Variants in VPS35L observed in about 807,000 individuals in gnomAD.
The protein encoded by VPS35L is VPS35 endosomal protein sorting factor like.
VPS35L carries 83 observed loss-of-function variants against 133.0 expected under a neutral mutation model. The ratio of observed to expected loss-of-function variants is 0.62; its 90% CI spans 0.52 to 0.75. The LOEUF (loss-of-function observed/expected upper bound fraction) is 0.75, where lower values mean the gene tolerates loss of function less well. Among genes scored for constraint, VPS35L ranks in the 30% least tolerant of loss-of-function variants. VPS35L has a pLI of 0.00. For missense variants in VPS35L, 1,083 were observed against 1,206.8 expected, an observed-to-expected ratio of 0.90 and a Z score of 1.52; for synonymous variants, 423 against 449.9, an observed-to-expected ratio of 0.94 and a Z score of 0.76.
At chr16:19,606,154 T>C (rs1037662104) in intron 9 of VPS35L, among the ~76,000 whole-genome samples, 7 of 152,226 alleles carry the variant, frequency 4.6e-5, no homozygotes, top group Non-Finnish European at 7.3e-5. Context: ...TTAGCCTGAT[T>C]TCCAACTCTT....
chr16:19,658,566 G>A lies in VPS35L; in HGVS notation c.2221+6476G>A, dbSNP rs144035389. 2.0e-5 allele frequency among the ~76,000 whole-genome samples: 3 copies of A among 152,182 alleles called. No individual in the cohort carries two copies. In the East Asian group the frequency reaches 5.8e-4, roughly 29 times the overall value. ...GAAAAAGAGACGACAGGCCATTCAG[G>A]GAGAGCAAATCTGTTTACAATTATT... is the stretch of plus-strand genomic sequence containing the variant. On this transcript the variant is annotated intron_variant, in intron 26 of 30. Coordinates refer to ENST00000417362, the MANE Select transcript of VPS35L (RefSeq NM_020314.7).
At chr16:19,571,228 G>T (rs1555496221) in intron 3 of VPS35L, among the ~76,000 whole-genome samples, 1 of 151,950 alleles carries the variant, frequency 6.6e-6, no homozygotes, top group Non-Finnish European at 1.5e-5. Context: ...TTTGTGACTT[G>T]TTTTTTTGGA....
intron 18 of VPS35L, among the ~76,000 whole-genome samples, chr16:19,630,556 G>T (rs551424460): frequency 2.0e-5 from 3 of 151,964 alleles, no homozygotes; most frequent in East Asian, 1.9e-4. Context: ...GGATGGTCTC[G>T]ATCTCCTGAG....
chr16:19,584,683 T>C (rs560782496), intron 7 of VPS35L, among the ~76,000 whole-genome samples: 12 of 151,830 alleles, frequency 7.9e-5, no homozygotes, highest in Non-Finnish European at 1.8e-4. Flanking sequence ...GCATTTTTTT[T>C]CTTTCTTTTT....
chr16:19,667,197 C>G (rs991766037), intron 26 of VPS35L, among the ~76,000 whole-genome samples: 4 of 151,950 alleles, frequency 2.6e-5, no homozygotes, highest in African/African-American at 9.7e-5. Flanking sequence ...CTCCTGACCT[C>G]AAGTGATCGA....
At chr16:19,570,870 TATATATATATATA>T (rs1971351876) in intron 3 of VPS35L, among the ~76,000 whole-genome samples, 1 of 85,404 alleles carries the variant, frequency 1.2e-5, no homozygotes, top group African/African-American at 6.0e-5. Flanking sequence ...TATATATATA[TATATATATATATA>T]TATATATTTT....
At chr16:19,691,289 C>A (rs1975671224) in intron 28 of VPS35L, 64 bp from the exon 29 acceptor site, 1 of 1,324,328 alleles carries the variant, frequency 7.6e-7, no homozygotes, top group Non-Finnish European at 1.1e-6. Flanking sequence ...CACACGGCTG[C>A]CTCTCCCTGG....
At chr16:19,637,552 T>C (rs367889037) in intron 19 of VPS35L, 42 bp from the exon 20 acceptor site, 139 of 1,394,582 alleles carry the variant, frequency 1.0e-4, no homozygotes, top group Non-Finnish European at 1.3e-4. Flanking sequence ...TTTTTAAAAA[T>C]TAAGTTTTTA....
At chr16:19,567,366 A>T (rs545661760) in intron 2 of VPS35L, among the ~76,000 whole-genome samples, 47 of 152,280 alleles carry the variant, frequency 3.1e-4, no homozygotes, top group Middle Eastern at 3.4e-3. Context: ...AGCATTGGTG[A>T]CCTGCTGTAT....
Position 19,581,678 on chromosome 16 carries a change from C to G in VPS35L, c.639+25C>G. The G allele has an allele frequency of 3.1e-6, 5 of 1,610,942 alleles. No individual in the cohort carries two copies. The Middle Eastern group carries it at 8.3e-4, about 267-fold the overall frequency. ...GGTTAGCTCTAGTGATCCCCCACCC[C>G]CACCCAGAATTTCCTATGTAAAATT... On this transcript the variant is annotated intron_variant, in intron 7 of 30. Transcript: ENST00000417362.
At chr16:19,568,923 G>A (rs1971274245) in intron 2 of VPS35L, among the ~76,000 whole-genome samples, 1 of 152,132 alleles carries the variant, frequency 6.6e-6, no homozygotes, top group African/African-American at 2.4e-5. Context: ...TGGGATACAG[G>A]CATGAGCCAC....
intron 8 of VPS35L, among the ~76,000 whole-genome samples, chr16:19,594,979 C>G (rs8047932): frequency 0.026 from 3,885 of 152,144 alleles, 176 homozygotes; most frequent in African/African-American, 0.089. Flanking sequence ...GGCCAAGGAA[C>G]AGCTTGTGCG....
chr16:19,691,539 C>T (rs1009517818), intron 29 of VPS35L, 68 bp downstream of exon 29: 1 of 1,277,716 alleles, frequency 7.8e-7, no homozygotes. Context: ...GGTGGTTCAA[C>T]CTTGGTTCAT....
chr16:19,585,333 C>T (rs1971828535), intron 7 of VPS35L, among the ~76,000 whole-genome samples: 1 of 152,080 alleles, frequency 6.6e-6, no homozygotes, highest in African/African-American at 2.4e-5. Context: ...GCACCATTTA[C>T]CTGAGGGTTC....
At chr16:19,608,150 C>T in intron 9 of VPS35L, 28 bp from the exon 10 acceptor site, 1 of 1,538,020 alleles carries the variant, frequency 6.5e-7, no homozygotes. Flanking sequence ...TTTAGGAGGG[C>T]TGATGGATCT....
intron 27 of VPS35L, among the ~76,000 whole-genome samples, chr16:19,674,983 C>T (rs964619275): frequency 6.0e-5 from 9 of 149,330 alleles, no homozygotes; most frequent in Non-Finnish European, 1.2e-4. Context: ...CAGGATCTCA[C>T]TCTGTTATCC....
chr16:19,634,753 G>A (rs1471108854), intron 19 of VPS35L, among the ~76,000 whole-genome samples: 3 of 152,172 alleles, frequency 2.0e-5, no homozygotes, highest in Non-Finnish European at 4.4e-5. Context: ...ATGCATTGAG[G>A]AGGAGAGAGA....
chr16:19,634,417 CA>C (rs57823383), intron 19 of VPS35L, among the ~76,000 whole-genome samples: 18,627 of 104,666 alleles, frequency 0.18, 1,786 homozygotes, highest in African/African-American at 0.36. Flanking sequence ...GACACGGTCT[CA>C]AAAAAAAAAA....
chr16:19,630,145 C>T (rs566793575), intron 18 of VPS35L, among the ~76,000 whole-genome samples: 2 of 152,080 alleles, frequency 1.3e-5, no homozygotes, highest in Non-Finnish European at 2.9e-5. Flanking sequence ...GCAGCATTTC[C>T]CAAACAATTT....
Sources: allele counts gnomAD v4.1 joint callset (sites outside exome capture counted in the v4.1 genomes callset), GRCh38; gene constraint gnomAD v4.1.1; transcripts MANE v1.5; gene names NCBI Gene and HGNC (gene_info 2026-07-23, HGNC 2026-07-21).